Variants in LMNB2 observed in about 807,000 individuals in gnomAD.
The protein encoded by LMNB2 is lamin B2.
Under a neutral mutation model 69.3 loss-of-function variants are expected in LMNB2, and 17 were observed. That is an observed-to-expected ratio of 0.25 (90% confidence interval 0.17 to 0.37). The LOEUF is 0.37. Among genes scored for constraint, LMNB2 ranks in the 10% least tolerant of loss-of-function variants. The pLI is 1.00. For missense variants in LMNB2, 789 were observed against 883.6 expected (o/e 0.89, Z 1.36); for synonymous variants, 397 against 389.3 (o/e 1.02, Z -0.23).
In LMNB2 at chr19:2,436,526, C is replaced by T. The variant is rs1292095734; in HGVS notation, c.685-1355G>A. ...GCACCCACCTCCACGGCCGCCCTCC[C>T]GCCTCCACGGCCGCGCACCCGCCTG... On this transcript the variant is annotated intron_variant, in intron 4 of 11. Transcript: ENST00000325327. Among the ~76,000 whole-genome samples the T allele has an allele frequency of 1.7e-3, 253 of 150,488 alleles. 1 individual carries two copies. The highest frequency in any genetic ancestry group is 6.1e-3 in the African/African-American group (249 of 41,124).
intron 1 of LMNB2, among the ~76,000 whole-genome samples, chr19:2,448,427 G>A (rs1971983471): frequency 6.6e-6 from 1 of 152,154 alleles, no homozygotes; most frequent in South Asian, 2.1e-4. Context: ...TTCCAACAAA[G>A]ACAAGATCAG....
At chr19:2,456,390 C>A (rs143137364) in intron 1 of LMNB2, among the ~76,000 whole-genome samples, 2,358 of 150,902 alleles carry the variant, frequency 0.016, 70 homozygotes, top group African/African-American at 0.055. Context: ...CCGAACTGCA[C>A]CGCTCACTCA....
At chr19:2,435,291 A>G in intron 4 of LMNB2, 120 bp from the exon 5 acceptor site, 1 of 1,396,290 alleles carries the variant, frequency 7.2e-7, no homozygotes, top group South Asian at 1.2e-5. Context: ...CTTGTGCACA[A>G]GTTACAAACC....
intron 2 of LMNB2, among the ~76,000 whole-genome samples, chr19:2,441,601 G>A (rs58559436): frequency 0.21 from 31,339 of 152,184 alleles, 3,290 homozygotes; most frequent in Middle Eastern, 0.29. Context: ...GGCAAATCCC[G>A]AGTGCCCGCT....
In LMNB2 at chr19:2,438,552, T is replaced by C. The variant is rs779137956; in HGVS notation, c.402-21A>G. On this transcript the variant is annotated intron_variant, in intron 2 of 11. Transcript: ENST00000325327. ...TGGCGCTGAAAGTCAAGAGGGCAAG[T>C]GAGTGGGGAGGGGCAAGGTCCATGG... is the stretch of plus-strand genomic sequence containing the variant. 6.2e-6 allele frequency: 10 copies of C among 1,604,266 alleles called. 1 individual carries two copies. The South Asian group carries it at 1.1e-4, about 18-fold the overall frequency.
In LMNB2 at chr19:2,431,809, T is replaced by C. The variant is rs750289586; in HGVS notation, c.1684A>G (p.Thr562Ala). The C allele has an allele frequency of 1.9e-6, 3 of 1,613,706 alleles. No homozygotes were observed. The South Asian group carries it at 3.3e-5, about 18-fold the overall frequency. The change falls in exon 10 of 12, where the codon ACC becomes GCC. Residue 562 changes from threonine (T) to alanine (A), a missense_variant. Thr to Ala is a moderately conservative substitution (Grantham distance 58). Coordinates refer to ENST00000325327, the MANE Select transcript of LMNB2 (RefSeq NM_032737.4). ...SSWGTGESFRTVLVNADGEEV... is the reference protein window; with the variant it reads ...SSWGTGESFRAVLVNADGEEV... ...TCGCCATCCGCGTTAACCAGGACGGTGCGGAAGCTCTCGCCCGTGCCCCAG... is the reference window on the plus strand; with the variant it reads ...TCGCCATCCGCGTTAACCAGGACGGCGCGGAAGCTCTCGCCCGTGCCCCAG...
chr19:2,438,225 G>A lies in LMNB2; in HGVS notation c.622C>T (p.Leu208=). Residue 208 remains leucine (L), a synonymous_variant, in exon 4 of 12, where the codon CTG becomes TTG. Transcript: ENST00000325327. ...TGCAGGCTCTGGCAGCGGTTCTCCA[G>A]GTCCACACGCATCAGCGTCTCCTTC... ...LEKETLMRVD[L]ENRCQSLQEE... is the part of the protein sequence containing the mutation. 6.2e-7 allele frequency: 1 copy of A among 1,614,094 alleles called. No individual in the cohort carries two copies. The highest frequency in any genetic ancestry group is 1.1e-5 in the South Asian group (1 of 91,092).
At chr19:2,431,695 C>G (rs371265703) in intron 10 of LMNB2, 37 bp from the exon 11 acceptor site, 2 of 1,613,974 alleles carry the variant, frequency 1.2e-6, no homozygotes, top group South Asian at 1.1e-5. Flanking sequence ...GTCCCGGGAT[C>G]GGGCCCAGAG....
intron 1 of LMNB2, among the ~76,000 whole-genome samples, chr19:2,454,724 C>T (rs1972069342): frequency 6.6e-6 from 1 of 152,152 alleles, no homozygotes; most frequent in African/African-American, 2.4e-5. Flanking sequence ...GCCTAGGGAC[C>T]CCAGGACCCC....
intron 4 of LMNB2, among the ~76,000 whole-genome samples, chr19:2,437,939 T>C (rs1971847564): frequency 6.6e-6 from 1 of 152,160 alleles, no homozygotes; most frequent in African/African-American, 2.4e-5. Flanking sequence ...CCTTGTAGGA[T>C]ACACAGAGTA....
At position 2,431,559 on chromosome 19, in the gene LMNB2, A is replaced by C; in HGVS notation, c.1810T>G (p.Phe604Val). The C allele has an allele frequency of 6.2e-7, 1 of 1,614,068 alleles. No individual in the cohort carries two copies. Among genetic ancestry groups the C allele is most frequent in the Non-Finnish European group, 8.5e-7 (1 of 1,179,952 alleles). ...EEAEFGEEDL[F>V]HQQGDPRTTS... ...CACAGGGGTCCTACCTGTTGGTGGA[A>C]AAGATCCTCCTCGCCAAACTCGGCT... The change falls in exon 11 of 12, where the codon TTC (phenylalanine) becomes GTC (valine). Residue 604 changes from phenylalanine to valine, a missense_variant. Physicochemically the swap from Phe to Val is conservative, Grantham distance 50 (BLOSUM62 -1). Coordinates refer to ENST00000325327, the MANE Select transcript of LMNB2 (RefSeq NM_032737.4).
At chr19:2,451,814 G>A (rs1045613607) in intron 1 of LMNB2, among the ~76,000 whole-genome samples, 1 of 150,946 alleles carries the variant, frequency 6.6e-6, no homozygotes, top group Non-Finnish European at 1.5e-5. Context: ...ACAGCCCTGT[G>A]CAGAAAATGC....
chr19:2,434,569 A>C, intron 6 of LMNB2, 54 bp from the exon 7 acceptor site: 8 of 1,581,346 alleles, frequency 5.1e-6, no homozygotes, highest in Non-Finnish European at 6.9e-6. Context: ...CACAAGGCCC[A>C]GGTGATCCTG....
Position 2,437,799 on chromosome 19 carries a change from C to CAAAAAAAAAAA in LMNB2, c.684+363_684+364insTTTTTTTTTTT, listed in dbSNP as rs59867677. Among the ~76,000 whole-genome samples, 190 of 138,592 alleles carry CAAAAAAAAAAA rather than the reference C, an allele frequency of 1.4e-3. 9 individuals are homozygous for CAAAAAAAAAAA. The highest frequency in any genetic ancestry group is 4.2e-3 in the African/African-American group (146 of 34,532). The allele number at this position is 138,592 out of a possible 152,430, so 90.9% of individuals were successfully genotyped here. A position where few individuals can be genotyped will look rare whatever the true frequency, so the allele number is the denominator to read the frequency against. ...TGGGTGACAGAGTGAAACTCCATCTCAAAAAAAGACGTGCCCACATCCCGA... is the reference window on the plus strand; with the variant it reads ...TGGGTGACAGAGTGAAACTCCATCTCAAAAAAAAAAAAAAAAAAGACGTGCCCACATCCCGA... On this transcript the variant is annotated intron_variant, in intron 4 of 11. Transcript: ENST00000325327.
Position 2,431,861 on chromosome 19 carries a change from C to T in LMNB2, c.1632G>A (p.Ser544=), listed in dbSNP as rs147703402. 9.9e-6 allele frequency: 16 copies of T among 1,613,094 alleles called. No individual in the cohort carries two copies. In the African/African-American group the frequency reaches 1.1e-4, roughly 11 times the overall value. The change falls in exon 10 of 12, where the codon TCG becomes TCA. Residue 544 remains serine (S), a synonymous_variant. Transcript: ENST00000325327. ...TGCTCTGGCCCTTCCACACCAGCGTCGAGGGGGGGCTGTGGGCCACCCCCG... is the reference window on the plus strand; with the variant it reads ...TGCTCTGGCCCTTCCACACCAGCGTTGAGGGGGGGCTGTGGGCCACCCCCG... The part of the protein sequence containing the change: ...AGAGVAHSPP[S]TLVWKGQSSW...
In LMNB2 at chr19:2,429,112, A is replaced by G. The variant is rs1401433182; in HGVS notation, c.*1799T>C. 6.6e-6 allele frequency: 1 copy of G among 152,264 alleles called. No homozygotes were observed. 9.4% of individuals were successfully genotyped at this position (152,264 alleles called of 1,614,324 possible). ...CTTTGCTCCTCCAGAGCCAAAATAC[A>G]TAGGATGTGGCTGAGACCACTGCAG... On this transcript the variant is annotated 3_prime_UTR_variant, in exon 12 of 12. Transcript: ENST00000325327.
chr19:2,432,574 GC>G, intron 8 of LMNB2, 51 bp from the exon 9 acceptor site: 2 of 1,443,902 alleles, frequency 1.4e-6, no homozygotes, highest in South Asian at 1.1e-5. Flanking sequence ...CTGTGACACC[GC>G]CCCCATCGCC....
At chr19:2,455,812 C>T (rs905678326) in intron 1 of LMNB2, among the ~76,000 whole-genome samples, 1 of 152,046 alleles carries the variant, frequency 6.6e-6, no homozygotes, top group Non-Finnish European at 1.5e-5. Flanking sequence ...CACTCAGGGT[C>T]TCCCCCTGGA....
Position 2,439,035 on chromosome 19 carries a change from C to CTTTTTT in LMNB2, c.402-510_402-505dup, listed in dbSNP as rs397945879. Among the ~76,000 whole-genome samples the CTTTTTT allele has an allele frequency of 1.9e-3, 124 of 65,704 alleles. 12 individuals carry two copies. Among genetic ancestry groups the CTTTTTT allele is most frequent in the Middle Eastern group, 0.015 (1 of 68 alleles). The allele number at this position is 65,704 out of a possible 152,430, so 43.1% of individuals were successfully genotyped here. A position where few individuals can be genotyped will look rare whatever the true frequency, so the allele number is the denominator to read the frequency against. ...CCAGTGTGGATTGTAGGCACTTAAG[C>CTTTTTT]TTTTTTTTTTTTTTTTTTTTTTTTT... On this transcript the variant is annotated intron_variant, in intron 2 of 11. Transcript: ENST00000325327.
Sources: allele counts gnomAD v4.1 joint callset (sites outside exome capture counted in the v4.1 genomes callset), GRCh38; gene constraint gnomAD v4.1.1; transcripts MANE v1.5; gene names NCBI Gene and HGNC (gene_info 2026-07-23, HGNC 2026-07-21).